Variants in MDGA2 observed in about 807,000 individuals in gnomAD.
MDGA2 encodes MAM domain containing glycosylphosphatidylinositol anchor 2.
MDGA2 carries 40 observed loss-of-function variants against 117.8 expected under a neutral mutation model. The ratio of observed to expected loss-of-function variants is 0.34; its 90% confidence interval spans 0.26 to 0.44. The LOEUF (loss-of-function observed/expected upper bound fraction) is 0.44, where lower values mean the gene tolerates loss of function less well. MDGA2 is among the 20% of genes least tolerant of loss of function. The pLI, the probability that MDGA2 is intolerant of heterozygous loss-of-function variation, is 1.00. For missense variants in MDGA2, 1,123 were observed against 1,250.6 expected (o/e 0.90, Z 1.54); for synonymous variants, 452 against 439.0 (o/e 1.03, Z -0.37).
chr14:47,616,706 T>C (rs1275717501), intron 1 of MDGA2, among the ~76,000 whole-genome samples: 1 of 152,192 alleles, frequency 6.6e-6, no homozygotes, highest in South Asian at 2.1e-4. Context: ...AACATAAAAA[T>C]AGAACAATTT....
At chr14:47,445,525 AT>A (rs1448361344) in intron 1 of MDGA2, among the ~76,000 whole-genome samples, 1 of 152,054 alleles carries the variant, frequency 6.6e-6, no homozygotes, top group African/African-American at 2.4e-5. Context: ...AGAGAGTTTT[AT>A]TTTTTCTTTT....
intron 14 of MDGA2, among the ~76,000 whole-genome samples, chr14:46,867,457 G>A (rs1400706600): frequency 6.6e-6 from 1 of 152,046 alleles, no homozygotes; most frequent in East Asian, 1.9e-4. Context: ...ACGAGTTAGT[G>A]GGTGCAGCGC....
chr14:47,208,438 G>GA (rs928891010), intron 3 of MDGA2, among the ~76,000 whole-genome samples: 8 of 151,212 alleles, frequency 5.3e-5, no homozygotes, highest in Admixed American at 4.0e-4. Context: ...AAATACGTGG[G>GA]AAAAAAACAC....
chr14:46,931,086 G>A (rs1032683595), intron 9 of MDGA2, among the ~76,000 whole-genome samples: 1 of 151,758 alleles, frequency 6.6e-6, no homozygotes, highest in African/African-American at 2.4e-5. Context: ...ATGGTGGCAC[G>A]CACCTGTAAT....
chr14:47,503,640 G>A (rs897725838), intron 1 of MDGA2, among the ~76,000 whole-genome samples: 5 of 152,034 alleles, frequency 3.3e-5, no homozygotes, highest in African/African-American at 1.2e-4. Context: ...TCTTGACCTC[G>A]TGATCTGCCC....
intron 5 of MDGA2, among the ~76,000 whole-genome samples, chr14:47,105,170 C>CCT (rs1486256963): frequency 6.6e-6 from 1 of 152,038 alleles, no homozygotes; most frequent in Non-Finnish European, 1.5e-5. Flanking sequence ...GGCAAGTACC[C>CCT]CTCAGCCCCT....
intron 1 of MDGA2, among the ~76,000 whole-genome samples, chr14:47,449,456 A>C (rs1371716555): frequency 6.6e-6 from 1 of 152,130 alleles, no homozygotes. Flanking sequence ...ACTGATGAGA[A>C]TTGGCCACAG....
At chr14:47,226,151 C>T (rs1427818419) in intron 2 of MDGA2, among the ~76,000 whole-genome samples, 2 of 151,048 alleles carry the variant, frequency 1.3e-5, no homozygotes, top group East Asian at 3.9e-4. Flanking sequence ...AAAAAAATTT[C>T]CTAGCTGCAG....
chr14:46,873,309 A>G (rs1882090173), intron 14 of MDGA2, 124 bp downstream of exon 14: 2 of 818,728 alleles, frequency 2.4e-6, no homozygotes, highest in Non-Finnish European at 1.8e-6. Context: ...TTGCAGATAA[A>G]TCATTTAAAA....
chr14:47,007,173 T>C (rs749992809), intron 8 of MDGA2, among the ~76,000 whole-genome samples: 1 of 151,822 alleles, frequency 6.6e-6, no homozygotes, highest in Non-Finnish European at 1.5e-5. Context: ...CACTTCTGGG[T>C]CAAGATTTTT....
chr14:47,609,449 ATATATATATATATATAAGTTTCTT>A (rs1896804795), intron 1 of MDGA2, among the ~76,000 whole-genome samples: 1 of 98,914 alleles, frequency 1.0e-5, no homozygotes, highest in Admixed American at 9.6e-5. Context: ...ATATATATAT[ATATATATATATATATAAGTTTCTT>A]TATCTACTTG....
intron 1 of MDGA2, among the ~76,000 whole-genome samples, chr14:47,422,379 C>T (rs1892597923): frequency 6.6e-6 from 1 of 151,976 alleles, no homozygotes; most frequent in Non-Finnish European, 1.5e-5. Flanking sequence ...AGTGGCAGAC[C>T]TCTCTTGACC....
At chr14:47,598,675 G>C (rs1337485334) in intron 1 of MDGA2, among the ~76,000 whole-genome samples, 1 of 152,076 alleles carries the variant, frequency 6.6e-6, no homozygotes, top group African/African-American at 2.4e-5. Flanking sequence ...GGAGGAAAAA[G>C]GGAAGGGGAA....
At chr14:47,543,377 G>A (rs921521797) in intron 1 of MDGA2, among the ~76,000 whole-genome samples, 8 of 152,090 alleles carry the variant, frequency 5.3e-5, no homozygotes, top group Admixed American at 1.3e-4. Flanking sequence ...CATCAGGAAC[G>A]GAGTTCACTG....
At chr14:47,092,238 G>A (rs1879700974) in intron 6 of MDGA2, among the ~76,000 whole-genome samples, 1 of 152,106 alleles carries the variant, frequency 6.6e-6, no homozygotes, top group East Asian at 1.9e-4. Flanking sequence ...CAGAAGGACT[G>A]GCTGATAAAT....
chr14:46,856,892 C>T (rs1363990247), intron 14 of MDGA2, among the ~76,000 whole-genome samples: 2 of 152,044 alleles, frequency 1.3e-5, no homozygotes, highest in Admixed American at 1.3e-4. Context: ...TAAGATATAA[C>T]TTCTCAGAGT....
chr14:46,859,589 G>C lies in MDGA2; in HGVS notation c.2753-4435C>G, dbSNP rs551589680. On this transcript the variant is annotated intron_variant, in intron 14 of 16. Transcript: ENST00000399232. ...TTTTCCTCAGGCAGAGAACTTGACT[G>C]TCATGGAGATCACTCCATTAGTTTC... Among the ~76,000 whole-genome samples, 20 of 152,232 alleles carry C rather than the reference G, an allele frequency of 1.3e-4. 1 individual carries two copies. The South Asian group carries it at 4.1e-3, about 31-fold the overall frequency.
intron 4 of MDGA2, among the ~76,000 whole-genome samples, chr14:47,142,173 G>A (rs1009627327): frequency 6.6e-6 from 1 of 152,152 alleles, no homozygotes; most frequent in African/African-American, 2.4e-5. Flanking sequence ...GCCGGGCACG[G>A]TGGCTCACAC....
intron 1 of MDGA2, among the ~76,000 whole-genome samples, chr14:47,401,499 C>T (rs1214533337): frequency 6.6e-6 from 1 of 152,182 alleles, no homozygotes; most frequent in Non-Finnish European, 1.5e-5. Context: ...AAATGAGGTA[C>T]TCACCAAAAG....
Sources: gnomAD v4.1 joint callset for allele counts (sites outside exome capture counted in the v4.1 genomes callset) on GRCh38, gnomAD v4.1.1 for gene constraint, MANE v1.5 for transcripts, NCBI Gene and HGNC (gene_info 2026-07-23, HGNC 2026-07-21) for gene names.